The following ELMO1 variants were observed in gnomAD, a reference collection of about 807,000 sequenced individuals.
ELMO1 encodes the protein engulfment and cell motility 1, also known as engulfment and cell motility protein 1.
ELMO1 carries 26 observed loss-of-function variants against 98.9 expected under a neutral mutation model. That is an observed-to-expected ratio of 0.26 (90% CI 0.19 to 0.36). The LOEUF is 0.36. ELMO1 is among the 10% of genes least tolerant of loss of function. ELMO1 has a pLI of 1.00. For missense variants in ELMO1, 627 were observed against 935.2 expected (o/e 0.67, Z 4.30); for synonymous variants, 346 against 346.0 (o/e 1.00, Z 0.00).
intron 15 of ELMO1, among the ~76,000 whole-genome samples, chr7:37,088,716 G>A (rs1216952085): frequency 1.3e-5 from 2 of 152,154 alleles, no homozygotes; most frequent in East Asian, 3.9e-4. Context: ...GTTCTCTCCT[G>A]CCTTGGAGAA....
chr7:36,892,142 TA>T (rs1805608418), intron 17 of ELMO1, among the ~76,000 whole-genome samples: 2 of 152,200 alleles, frequency 1.3e-5, no homozygotes, highest in Middle Eastern at 3.2e-3. Flanking sequence ...GACCATTTTA[TA>T]ACAACAGGGT....
intron 16 of ELMO1, among the ~76,000 whole-genome samples, chr7:36,962,041 C>G (rs902164415): frequency 1.3e-5 from 2 of 152,232 alleles, no homozygotes; most frequent in African/African-American, 4.8e-5. Flanking sequence ...AAATGCTGCT[C>G]TTTGGTGAAA....
rs28754601 is a variant in ELMO1, at chr7:37,413,822, C to T, written c.-74+34853G>A. 7.4e-3 allele frequency among the ~76,000 whole-genome samples: 1,125 copies of T among 152,178 alleles called. 12 individuals are homozygous for T. The highest frequency in any genetic ancestry group is 0.026 in the African/African-American group (1,069 of 41,512). The stretch of plus-strand genomic sequence containing the variant: ...CCGCCCAAATAGCGGGGATTACAGG[C>T]GCACACCACCACGTCTGGCTAATTT... On this transcript the variant is annotated intron_variant, in intron 1 of 21. Coordinates refer to ENST00000310758, the MANE Select transcript of ELMO1 (RefSeq NM_014800.11).
chr7:36,865,563 T>C (rs2129036671), intron 20 of ELMO1, among the ~76,000 whole-genome samples: 1 of 152,348 alleles, frequency 6.6e-6, no homozygotes, highest in African/African-American at 2.4e-5. Context: ...AATTAGAGGA[T>C]GCTTTTCACA....
intron 14 of ELMO1, 80 bp downstream of exon 14, chr7:37,133,044 CTAAAGG>C (rs931276702): frequency 4.9e-5 from 46 of 946,750 alleles, no homozygotes; most frequent in Non-Finnish European, 6.2e-5. Flanking sequence ...GGTCACTCAT[CTAAAGG>C]TAATCCCTCC....
chr7:37,325,522 T>G (rs1271801028), intron 2 of ELMO1, among the ~76,000 whole-genome samples: 1 of 152,180 alleles, frequency 6.6e-6, no homozygotes, highest in African/African-American at 2.4e-5. Context: ...CACCCTTCTG[T>G]CCAGCGATAG....
rs946038686 is a variant in ELMO1 at position 36,985,995 on chromosome 7, G to C, written c.1437+27304C>G. The C allele has an allele frequency of 3.0e-6, 3 of 1,002,820 alleles. 1 individual carries two copies. Among genetic ancestry groups the C allele is most frequent in the Middle Eastern group, 2.8e-4 (1 of 3,554 alleles). The allele number at this position is 1,002,820 out of a possible 1,614,324, so 62.1% of individuals were successfully genotyped here. A position where few individuals can be genotyped will look rare whatever the true frequency, so the allele number is the denominator to read the frequency against. On this transcript the variant is annotated intron_variant, in intron 16 of 21. Coordinates refer to ENST00000310758, the MANE Select transcript of ELMO1 (RefSeq NM_014800.11). ...GCTGCTGCCACCACAAAGCGACTTA[G>C]AGTCGTCCCCCTGAAGAACAATGTG...
chr7:37,182,878 C>T (rs944805069), intron 13 of ELMO1, among the ~76,000 whole-genome samples: 1 of 152,080 alleles, frequency 6.6e-6, no homozygotes, highest in Non-Finnish European at 1.5e-5. Flanking sequence ...GTGGAGGGGC[C>T]CTCATAGGTG....
intron 13 of ELMO1, among the ~76,000 whole-genome samples, chr7:37,142,253 TAAAGA>T: frequency 6.6e-6 from 1 of 152,368 alleles, no homozygotes; most frequent in Middle Eastern, 3.4e-3. Flanking sequence ...AGTTATTTAG[TAAAGA>T]ATAGTAAAAC....
chr7:36,883,507 T>G (rs901648702), intron 18 of ELMO1, among the ~76,000 whole-genome samples: 10 of 152,172 alleles, frequency 6.6e-5, no homozygotes, highest in African/African-American at 2.2e-4. Context: ...GGTGGAATGC[T>G]CATGAATGTT....
intron 16 of ELMO1, among the ~76,000 whole-genome samples, chr7:36,901,107 G>T (rs1806473309): frequency 6.6e-6 from 1 of 152,168 alleles, no homozygotes; most frequent in South Asian, 2.1e-4. Context: ...GACAATTATT[G>T]ATCCCTCCCT....
chr7:37,119,277 G>A (rs1380582718), intron 14 of ELMO1, among the ~76,000 whole-genome samples: 3 of 152,164 alleles, frequency 2.0e-5, no homozygotes, highest in Non-Finnish European at 4.4e-5. Flanking sequence ...CAGACTGGAA[G>A]GAAAGGGCAT....
intron 16 of ELMO1, among the ~76,000 whole-genome samples, chr7:36,917,054 A>T (rs1784741354): frequency 6.6e-6 from 1 of 152,240 alleles, no homozygotes; most frequent in Admixed American, 6.5e-5. Flanking sequence ...TGCAGGGTGC[A>T]ATTTTTTGAG....
At chr7:37,391,907 G>T (rs1583674946) in intron 1 of ELMO1, among the ~76,000 whole-genome samples, 1 of 152,202 alleles carries the variant, frequency 6.6e-6, no homozygotes, top group South Asian at 2.1e-4. Context: ...GTAGGGAAGT[G>T]TGTGTACCCC....
intron 13 of ELMO1, among the ~76,000 whole-genome samples, chr7:37,198,668 G>A (rs1376836565): frequency 2.6e-5 from 4 of 152,200 alleles, no homozygotes; most frequent in Admixed American, 1.3e-4. Context: ...AGACCCTGAC[G>A]TTTCTTTGCC....
intron 1 of ELMO1, among the ~76,000 whole-genome samples, chr7:37,399,944 C>T (rs1192253396): frequency 6.6e-6 from 1 of 152,190 alleles, no homozygotes; most frequent in African/African-American, 2.4e-5. Context: ...TTTACTAGTT[C>T]CTTTCCCCCT....
At chr7:36,952,964 C>CTTTTTT (rs70980904) in intron 16 of ELMO1, among the ~76,000 whole-genome samples, 52 of 82,844 alleles carry the variant, frequency 6.3e-4, no homozygotes, top group South Asian at 1.2e-3. Flanking sequence ...AGTCACTACT[C>CTTTTTT]TTTTTTTTTT....
At chr7:36,952,630 C>T (rs1310452729) in intron 16 of ELMO1, among the ~76,000 whole-genome samples, 1 of 152,142 alleles carries the variant, frequency 6.6e-6, no homozygotes, top group African/African-American at 2.4e-5. Context: ...AGAAATCACT[C>T]TAGACTCAGT....
chr7:37,073,572 A>ATGTGTGTGTG (rs10676771), intron 15 of ELMO1, among the ~76,000 whole-genome samples: 8 of 146,418 alleles, frequency 5.5e-5, no homozygotes, highest in African/African-American at 1.8e-4. Flanking sequence ...TTGTTTTTGT[A>ATGTGTGTGTG]TGTGTGTGTG....
Sources: allele counts gnomAD v4.1 joint callset (sites outside exome capture counted in the v4.1 genomes callset), GRCh38; gene constraint gnomAD v4.1.1; transcripts MANE v1.5; gene names NCBI Gene and HGNC (gene_info 2026-07-23, HGNC 2026-07-21).